PTPRN2: variants seen among roughly 807,000 people sequenced by gnomAD.
PTPRN2 encodes protein tyrosine phosphatase receptor type N2, also known as receptor-type tyrosine-protein phosphatase N2.
A neutral mutation model predicts 118.8 loss-of-function variants in PTPRN2; 74 were observed. That is an observed-to-expected ratio of 0.62 (90% CI 0.52 to 0.76). The LOEUF (loss-of-function observed/expected upper bound fraction) is 0.76. Ranked by LOEUF, PTPRN2 falls within the 30% of genes least tolerant of loss-of-function variation. The pLI, the probability that PTPRN2 is intolerant of heterozygous loss-of-function variation, is 0.00. For missense variants in PTPRN2, 1,481 were observed against 1,394.4 expected, an observed-to-expected ratio of 1.06 and a Z score of -0.99; for synonymous variants, 641 against 608.0, an observed-to-expected ratio of 1.05 and a Z score of -0.80.
At chr7:157,848,510 G>A (rs1219244959) in intron 12 of PTPRN2, among the ~76,000 whole-genome samples, 5 of 152,226 alleles carry the variant, frequency 3.3e-5, no homozygotes, top group African/African-American at 1.2e-4. Flanking sequence ...ACTCTGTCAT[G>A]TGTGCCCGAT....
intron 1 of PTPRN2, among the ~76,000 whole-genome samples, chr7:158,519,302 G>A (rs1423882296): frequency 1.3e-5 from 2 of 152,088 alleles, no homozygotes; most frequent in African/African-American, 2.4e-5. Context: ...TTATGAAGTC[G>A]GACTCATCCC....
chr7:157,797,711 CCT>C (rs1804960229), intron 12 of PTPRN2, among the ~76,000 whole-genome samples: 1 of 152,214 alleles, frequency 6.6e-6, no homozygotes, highest in East Asian at 1.9e-4. Flanking sequence ...CTCCCTGAGC[CCT>C]GAGACCATGG....
chr7:158,324,919 C>T (rs1398042959), intron 2 of PTPRN2, among the ~76,000 whole-genome samples: 4 of 152,216 alleles, frequency 2.6e-5, no homozygotes, highest in African/African-American at 7.2e-5. Context: ...CCGAGTGACA[C>T]GTCCAGGCCT....
At position 158,529,213 on chromosome 7, in the gene PTPRN2, G is replaced by A. The variant is rs942831724; in HGVS notation, c.113-39428C>T. Among the ~76,000 whole-genome samples, 1 of 152,258 alleles carries A rather than the reference G, an allele frequency of 6.6e-6. No individual in the cohort carries two copies. The highest frequency in any genetic ancestry group is 2.4e-5 in the African/African-American group (1 of 41,466). ...TGGTGGGCACTAAGCACCCGTCGCT[G>A]TTGGTCCTGGGGCTAACGCTGATGG... On this transcript the variant is annotated intron_variant, in intron 1 of 22. Coordinates refer to ENST00000389418, the MANE Select transcript of PTPRN2 (RefSeq NM_002847.5). The surrounding 1 kb of genome is among the most constrained non-coding windows in gnomAD (Gnocchi z 4.7).
intron 3 of PTPRN2, among the ~76,000 whole-genome samples, chr7:158,218,454 A>G (rs956157738): frequency 3.9e-5 from 6 of 152,214 alleles, no homozygotes; most frequent in African/African-American, 1.2e-4. Context: ...CTAAACATGG[A>G]AACAAGAAAG....
chr7:157,820,343 G>A (rs1806744895), intron 12 of PTPRN2, among the ~76,000 whole-genome samples: 1 of 140,584 alleles, frequency 7.1e-6, no homozygotes, highest in Admixed American at 7.2e-5. Flanking sequence ...AGTCACATAT[G>A]CACTCAAACA....
At chr7:158,310,212 G>A (rs1286546849) in intron 3 of PTPRN2, among the ~76,000 whole-genome samples, 2 of 152,236 alleles carry the variant, frequency 1.3e-5, no homozygotes, top group East Asian at 3.8e-4. Context: ...TGGGAAACTT[G>A]TTGAGGCTGA....
At chr7:157,806,118 G>A (rs570980665) in intron 12 of PTPRN2, among the ~76,000 whole-genome samples, 2 of 152,178 alleles carry the variant, frequency 1.3e-5, no homozygotes, top group South Asian at 2.1e-4. Context: ...TATAAAGGTC[G>A]ACCATTCCTT....
At chr7:158,186,976 C>G (rs150106039) in intron 5 of PTPRN2, among the ~76,000 whole-genome samples, 151 of 152,318 alleles carry the variant, frequency 9.9e-4, no homozygotes, top group Middle Eastern at 3.4e-3. Flanking sequence ...TCTGACTAAA[C>G]CTCCTCAGTA....
At chr7:158,053,640 G>A (rs76481492) in intron 11 of PTPRN2, among the ~76,000 whole-genome samples, 2 of 152,220 alleles carry the variant, frequency 1.3e-5, no homozygotes, top group African/African-American at 4.8e-5. Flanking sequence ...AACATGGCAG[G>A]CATTTGCCCG....
intron 12 of PTPRN2, among the ~76,000 whole-genome samples, chr7:157,883,616 G>C (rs1796290177): frequency 6.8e-6 from 1 of 147,920 alleles, no homozygotes. Context: ...ACCCCAAAAT[G>C]ACTGTTGGAG....
At chr7:157,675,532 C>T (rs2150791797) in intron 13 of PTPRN2, among the ~76,000 whole-genome samples, 1 of 40,362 alleles carries the variant, frequency 2.5e-5, no homozygotes, top group African/African-American at 5.7e-5. Flanking sequence ...GCATGCTTTG[C>T]AGACACCAAT....
At chr7:157,817,912 T>C (rs2151132348) in intron 12 of PTPRN2, among the ~76,000 whole-genome samples, 1 of 152,132 alleles carries the variant, frequency 6.6e-6, no homozygotes, top group African/African-American at 2.4e-5. Context: ...TGTGTGTATG[T>C]ATCATGTGTG....
intron 12 of PTPRN2, among the ~76,000 whole-genome samples, chr7:157,792,511 G>A (rs1385193909): frequency 3.3e-5 from 5 of 152,208 alleles, no homozygotes; most frequent in African/African-American, 1.2e-4. Context: ...GTGTTTTCGG[G>A]GGTGGGGATC....
At chr7:157,689,573 G>C (rs1797369384) in intron 12 of PTPRN2, among the ~76,000 whole-genome samples, 2 of 152,232 alleles carry the variant, frequency 1.3e-5, no homozygotes, top group South Asian at 2.1e-4. Context: ...TTGGGGGTTC[G>C]CCCGATTCCC....
chr7:158,320,642 AGGTGTGTATC>A (rs1295767760), intron 2 of PTPRN2, among the ~76,000 whole-genome samples: 1 of 152,232 alleles, frequency 6.6e-6, no homozygotes, highest in East Asian at 1.9e-4. Flanking sequence ...CTGCTGTCAT[AGGTGTGTATC>A]GGTATCTCAT....
chr7:157,889,729 C>T (rs2151303510), intron 12 of PTPRN2, among the ~76,000 whole-genome samples: 1 of 152,376 alleles, frequency 6.6e-6, no homozygotes, highest in South Asian at 2.1e-4. Flanking sequence ...TTCCTGTTCC[C>T]TTTGCCTCTC....
chr7:158,540,830 T>G (rs146639748), intron 1 of PTPRN2, among the ~76,000 whole-genome samples: 2 of 152,212 alleles, frequency 1.3e-5, no homozygotes. Context: ...GGGTTAGCAC[T>G]TCGGTTTGGC....
intron 3 of PTPRN2, among the ~76,000 whole-genome samples, chr7:158,286,460 C>G (rs1377202837): frequency 1.3e-5 from 2 of 152,116 alleles, no homozygotes; most frequent in Non-Finnish European, 2.9e-5. Context: ...CAGCTTTTCA[C>G]CATTGCGTAT....
Sources: allele counts gnomAD v4.1 joint callset (sites outside exome capture counted in the v4.1 genomes callset), GRCh38; gene constraint gnomAD v4.1.1; non-coding constraint Gnocchi (gnomAD v3.1); transcripts MANE v1.5; gene names NCBI Gene and HGNC (gene_info 2026-07-23, HGNC 2026-07-21).